Variants in CDH8 observed in about 807,000 individuals in gnomAD.
CDH8 encodes cadherin-8.
Under a neutral mutation model 68.1 loss-of-function variants are expected in CDH8, and 17 were observed. The ratio of observed to expected loss-of-function variants is 0.25; its 90% CI spans 0.17 to 0.37. The LOEUF is 0.37. Among genes scored for constraint, CDH8 ranks in the 10% least tolerant of loss-of-function variants. The pLI is 1.00. For missense variants in CDH8, 763 were observed against 999.3 expected, an observed-to-expected ratio of 0.76 and a Z score of 3.19; for synonymous variants, 372 against 365.1, an observed-to-expected ratio of 1.02 and a Z score of -0.21.
chr16:61,763,625 C>T (rs919038007), intron 8 of CDH8, among the ~76,000 whole-genome samples: 27 of 152,202 alleles, frequency 1.8e-4, no homozygotes, highest in African/African-American at 6.0e-4. Context: ...CAGAATCAAG[C>T]GTTACCTGGT....
At chr16:61,658,033 AC>A (rs1187366820) in intron 10 of CDH8, among the ~76,000 whole-genome samples, 2 of 152,064 alleles carry the variant, frequency 1.3e-5, no homozygotes, top group African/African-American at 2.4e-5. Context: ...GCTAAATTTT[AC>A]CTGCCAGTTC....
intron 2 of CDH8, among the ~76,000 whole-genome samples, chr16:62,002,276 G>A (rs763330522): frequency 5.3e-5 from 8 of 152,166 alleles, no homozygotes; most frequent in Non-Finnish European, 1.0e-4. Flanking sequence ...ATGACATAAT[G>A]TGACTACTTT....
chr16:61,690,598 T>C (rs1328862369), intron 10 of CDH8, among the ~76,000 whole-genome samples: 1 of 152,062 alleles, frequency 6.6e-6, no homozygotes. Flanking sequence ...TAGTAGCTAT[T>C]GATTAAACTT....
chr16:61,863,202 G>C (rs529576555), intron 3 of CDH8, among the ~76,000 whole-genome samples: 1 of 151,960 alleles, frequency 6.6e-6, no homozygotes, highest in Non-Finnish European at 1.5e-5. Flanking sequence ...TGTTTCACTC[G>C]TTTAAGTGAA....
intron 8 of CDH8, among the ~76,000 whole-genome samples, chr16:61,752,061 G>A (rs1210101071): frequency 6.6e-6 from 1 of 152,086 alleles, no homozygotes; most frequent in African/African-American, 2.4e-5. Context: ...TACTCAGGGG[G>A]AAGAGTTCAT....
intron 8 of CDH8, among the ~76,000 whole-genome samples, chr16:61,763,662 T>C (rs1232545688): frequency 2.0e-5 from 3 of 152,154 alleles, no homozygotes; most frequent in African/African-American, 2.4e-5. Context: ...TAAAAAATCA[T>C]TTATCATTTT....
intron 3 of CDH8, among the ~76,000 whole-genome samples, chr16:61,883,450 C>T (rs1266005391): frequency 6.6e-6 from 1 of 151,822 alleles, no homozygotes; most frequent in East Asian, 1.9e-4. Flanking sequence ...CTTAAGCAGG[C>T]AACATTGTCT....
chr16:61,726,918 G>A, intron 9 of CDH8, 176 bp downstream of exon 9: 2 of 648,530 alleles, frequency 3.1e-6, no homozygotes, highest in Non-Finnish European at 2.6e-6. Flanking sequence ...TAAGTAGGAA[G>A]AGAAATAACA....
At chr16:61,815,401 T>C (rs1255176791) in intron 7 of CDH8, among the ~76,000 whole-genome samples, 2 of 152,182 alleles carry the variant, frequency 1.3e-5, no homozygotes, top group Non-Finnish European at 2.9e-5. Flanking sequence ...GTAAAATGAA[T>C]AGATTATAAA....
At position 61,653,964 on chromosome 16, in the gene CDH8, T is replaced by C; in HGVS notation, c.2044A>G (p.Ile682Val). 2 of 1,614,216 alleles carry C rather than the reference T, an allele frequency of 1.2e-6. No individual in the cohort carries two copies. Among genetic ancestry groups the C allele is most frequent in the Non-Finnish European group, 8.5e-7 (1 of 1,180,036 alleles). The change falls in exon 12 of 12, where the codon ATT becomes GTT. Residue 682 changes from isoleucine (I) to valine (V), a missense_variant. Ile to Val is a conservative substitution (Grantham distance 29). Transcript: ENST00000577390. ...GGEEDTEAFD[I>V]ATLQNPDGIN... is the part of the protein sequence containing the mutation. Reference sequence around the variant, plus strand: ...CCATCTGGATTTTGTAAAGTTGCAATGTCAAAAGCCTCTGTGTCCTCCTCC... The same window carrying C: ...CCATCTGGATTTTGTAAAGTTGCAACGTCAAAAGCCTCTGTGTCCTCCTCC...
intron 7 of CDH8, among the ~76,000 whole-genome samples, chr16:61,813,503 A>T (rs1290648727): frequency 6.6e-6 from 1 of 152,206 alleles, no homozygotes; most frequent in Non-Finnish European, 1.5e-5. Flanking sequence ...GCTCTTGTGC[A>T]GATGAGGGAA....
At chr16:61,903,395 C>T (rs1964011714) in intron 2 of CDH8, among the ~76,000 whole-genome samples, 1 of 152,194 alleles carries the variant, frequency 6.6e-6, no homozygotes, top group African/African-American at 2.4e-5. Context: ...GCGATCTCAG[C>T]TCATTGCAAG....
chr16:61,998,083 A>C (rs1814777438), intron 2 of CDH8, among the ~76,000 whole-genome samples: 1 of 152,214 alleles, frequency 6.6e-6, no homozygotes, highest in Non-Finnish European at 1.5e-5. Flanking sequence ...TGTGGTTAGA[A>C]AATACATTGA....
At chr16:61,740,838 C>T (rs1457216593) in intron 8 of CDH8, among the ~76,000 whole-genome samples, 2 of 152,120 alleles carry the variant, frequency 1.3e-5, no homozygotes, top group Non-Finnish European at 2.9e-5. Context: ...TTGAATTTCA[C>T]TATTATAAAT....
At chr16:61,731,474 G>C (rs1284390416) in intron 8 of CDH8, among the ~76,000 whole-genome samples, 1 of 151,666 alleles carries the variant, frequency 6.6e-6, no homozygotes, top group Non-Finnish European at 1.5e-5. Context: ...TGTGGTCAGG[G>C]ACAGAGACAA....
chr16:61,996,272 T>A (rs1007380329), intron 2 of CDH8, among the ~76,000 whole-genome samples: 7 of 152,178 alleles, frequency 4.6e-5, no homozygotes, highest in East Asian at 1.9e-4. Context: ...GAATCATGCC[T>A]TGTAATTGAG....
chr16:61,677,621 G>A (rs552219506), intron 10 of CDH8, among the ~76,000 whole-genome samples: 1 of 152,100 alleles, frequency 6.6e-6, no homozygotes, highest in Non-Finnish European at 1.5e-5. Flanking sequence ...TGGAAATGTA[G>A]TTGGGCTGGA....
intron 4 of CDH8, among the ~76,000 whole-genome samples, chr16:61,842,759 C>G (rs889528302): frequency 6.6e-6 from 1 of 152,110 alleles, no homozygotes; most frequent in Non-Finnish European, 1.5e-5. Flanking sequence ...TAACAGGGAG[C>G]TAGGTGGTGT....
At chr16:61,758,611 T>C (rs2142963127) in intron 8 of CDH8, among the ~76,000 whole-genome samples, 1 of 152,234 alleles carries the variant, frequency 6.6e-6, no homozygotes, top group South Asian at 2.1e-4. Context: ...TTTTGTGTTA[T>C]TGGTACAGAC....
Sources: allele counts gnomAD v4.1 joint callset (sites outside exome capture counted in the v4.1 genomes callset), GRCh38; gene constraint gnomAD v4.1.1; transcripts MANE v1.5; gene names NCBI Gene and HGNC (gene_info 2026-07-23, HGNC 2026-07-21).